HMCN2: variants seen among roughly 807,000 people sequenced by gnomAD.
HMCN2 encodes the protein hemicentin 2.
Under a neutral mutation model 377.5 loss-of-function variants are expected in HMCN2, and 325 were observed. The observed-to-expected ratio is 0.86, with a 90% CI of 0.79 to 0.94. HMCN2 has a LOEUF of 0.94. HMCN2 is among the 40% of genes least tolerant of loss of function. HMCN2 has a pLI of 0.00. For synonymous variants in HMCN2, 2,007 were observed against 2,046.8 expected (o/e 0.98, Z 0.53); for missense variants, 4,543 against 4,725.3 (o/e 0.96, Z 1.13).
At chr9:130,368,228 G>A (rs7029167) in intron 43 of HMCN2, 48 bp from the exon 44 acceptor site, 59 of 979,408 alleles carry the variant, frequency 6.0e-5, no homozygotes, top group African/African-American at 4.2e-4. Context: ...AAGACATCAC[G>A]TCCTTGCAAA....
chr9:130,367,752 C>T (rs1376796719), intron 43 of HMCN2, among the ~76,000 whole-genome samples: 1 of 151,910 alleles, frequency 6.6e-6, no homozygotes, highest in East Asian at 1.9e-4. Flanking sequence ...ACCAGCCTAA[C>T]TAACATGGTG....
chr9:130,411,968 A>G (rs1388037988), intron 85 of HMCN2, among the ~76,000 whole-genome samples: 4 of 152,104 alleles, frequency 2.6e-5, no homozygotes, highest in African/African-American at 9.7e-5. Context: ...TTTTACAACT[A>G]TTATTGTTAC....
Position 130,351,163 on chromosome 9 carries a change from G to A in HMCN2, c.4431-260G>A, listed in dbSNP as rs973272030. On this transcript the variant is annotated intron_variant, in intron 29 of 97. Coordinates refer to ENST00000683500, the MANE Select transcript of HMCN2 (RefSeq NM_001291815.2). This position sits in a 1 kb window ranked among gnomAD's most constrained non-coding sequence, Gnocchi z 5.4. Reference sequence around the variant, plus strand: ...CTTTTGTGTCTGGCTTCTTCCACTCGGCATATTTTCCAGGTTCATCCATAC... The same window carrying A: ...CTTTTGTGTCTGGCTTCTTCCACTCAGCATATTTTCCAGGTTCATCCATAC... 4.6e-5 allele frequency among the ~76,000 whole-genome samples: 7 copies of A among 152,170 alleles called. No homozygotes were observed. The highest frequency in any genetic ancestry group is 2.0e-4 in the Admixed American group (3 of 15,292).
intron 54 of HMCN2, among the ~76,000 whole-genome samples, chr9:130,381,724 C>T (rs1470030350): frequency 6.6e-6 from 1 of 151,980 alleles, no homozygotes; most frequent in Non-Finnish European, 1.5e-5. Context: ...GCCTCCCCAG[C>T]CCCTACCCCT....
At chr9:130,301,662 C>A (rs1165487846) in intron 8 of HMCN2, among the ~76,000 whole-genome samples, 3 of 152,230 alleles carry the variant, frequency 2.0e-5, no homozygotes, top group African/African-American at 7.2e-5. Flanking sequence ...ACAGATGTGG[C>A]AGGGAGCCTG....
chr9:130,325,098 T>TC (rs1192371343), intron 19 of HMCN2, among the ~76,000 whole-genome samples: 7 of 115,158 alleles, frequency 6.1e-5, no homozygotes, highest in Admixed American at 9.3e-5. Flanking sequence ...TTCTTCTTCT[T>TC]TTTTTTTTTT....
Position 130,353,054 on chromosome 9 carries a change from C to A in HMCN2, c.4713C>A (p.Ala1571=). The change falls in exon 31 of 98, where the codon GCC becomes GCA. Residue 1571 remains alanine (A), a synonymous_variant. Coordinates refer to ENST00000683500, the MANE Select transcript of HMCN2 (RefSeq NM_001291815.2). The stretch of plus-strand genomic sequence containing the variant: ...ACATCACCTGGTTCAAGGACGGGGC[C>A]CTGCTCCCCACCAGCACCAAGGTGG... ...TPNITWFKDG[A]LLPTSTKVVY... is the part of the protein sequence containing the mutation. 7.7e-7 allele frequency: 1 copy of A among 1,304,208 alleles called. No homozygotes were observed. Among genetic ancestry groups the A allele is most frequent in the Non-Finnish European group, 1.0e-6 (1 of 988,934 alleles). 80.8% of individuals were successfully genotyped at this position (1,304,208 alleles called of 1,614,324 possible).
rs11410225 is a variant in HMCN2, at chr9:130,281,102, G to GAA, written c.260-3489_260-3488dup. On this transcript the variant is annotated intron_variant, in intron 1 of 97. Coordinates refer to ENST00000683500, the MANE Select transcript of HMCN2 (RefSeq NM_001291815.2). Reference sequence around the variant, plus strand: ...TGGGTGACAGAGCGAGACTCTGTCTGAAAAAAAAAAAAATACAGGCAGTTG... The same window carrying GAA: ...TGGGTGACAGAGCGAGACTCTGTCTGAAAAAAAAAAAAAAATACAGGCAGTTG... Among the ~76,000 whole-genome samples the GAA allele has an allele frequency of 4.9e-3, 718 of 145,490 alleles. 6 individuals carry two copies. The highest frequency in any genetic ancestry group is 0.015 in the African/African-American group (602 of 39,554).
chr9:130,361,957 C>T lies in HMCN2; in HGVS notation c.5951-51C>T. The stretch of plus-strand genomic sequence containing the variant: ...GGTGCCCAGCCAGGGGCCCTGCCTG[C>T]TTTGCCCCAGTGGGGCTCAGCCTGT... On this transcript the variant is annotated intron_variant, in intron 38 of 97. Transcript: ENST00000683500. The surrounding 1 kb of genome is among the most constrained non-coding windows in gnomAD (Gnocchi z 4.8). 1.0e-6 allele frequency: 1 copy of T among 983,790 alleles called. No individual in the cohort carries two copies. Among genetic ancestry groups the T allele is most frequent in the Non-Finnish European group, 1.2e-6 (1 of 828,026 alleles). The allele number at this position is 983,790 out of a possible 1,614,324, so 60.9% of individuals were successfully genotyped here. A position where few individuals can be genotyped will look rare whatever the true frequency, so the allele number is the denominator to read the frequency against.
At chr9:130,358,995 T>C (rs1840208286) in intron 36 of HMCN2, among the ~76,000 whole-genome samples, 1 of 152,136 alleles carries the variant, frequency 6.6e-6, no homozygotes, top group Admixed American at 6.5e-5. Flanking sequence ...CTTGCCCACA[T>C]TCATATTTAC....
chr9:130,354,577 G>A (rs1276671178), intron 31 of HMCN2, among the ~76,000 whole-genome samples, 186 bp from the exon 32 acceptor site: 1 of 152,198 alleles, frequency 6.6e-6, no homozygotes, highest in Non-Finnish European at 1.5e-5. Context: ...GGCGCGCCCA[G>A]GGGCTGAGGA....
In HMCN2 at chr9:130,431,350, C is replaced by A. The variant is rs1243366964; in HGVS notation, c.14648-17C>A. ...TGCCCCCATCCCCCACCTGCCCCAC[C>A]CCCATGCCCGGGCCAGACCTTGACG... On this transcript the variant is annotated splice_polypyrimidine_tract_variant and intron_variant, in intron 95 of 97. Transcript: ENST00000683500. 1 of 1,548,074 alleles carries A rather than the reference C, an allele frequency of 6.5e-7. No individual in the cohort carries two copies. Among genetic ancestry groups the A allele is most frequent in the Non-Finnish European group, 8.7e-7 (1 of 1,145,956 alleles).
At position 130,342,362 on chromosome 9, in the gene HMCN2, G is replaced by T. The variant is rs1839104236; in HGVS notation, c.3755G>T (p.Trp1252Leu). The change falls in exon 25 of 98, where the codon TGG becomes TTG. Residue 1252 changes from tryptophan (W) to leucine (L), a missense_variant. Coordinates refer to ENST00000683500, the MANE Select transcript of HMCN2 (RefSeq NM_001291815.2). ...TGCCTCCCTACAGAGCCACCACACT[G>T]GGGGGCTGATGAGACCAGCGGCCTG... Reference protein sequence around the residue: ...VELRVLEPPHWGADETSGLLE... With the variant: ...VELRVLEPPHLGADETSGLLE... 1.3e-5 allele frequency: 2 copies of T among 152,408 alleles called. No individual in the cohort carries two copies. The highest frequency in any genetic ancestry group is 4.1e-4 in the South Asian group (2 of 4,830). 9.4% of individuals were successfully genotyped at this position (152,408 alleles called of 1,614,324 possible).
At chr9:130,392,633 T>C (rs911726840) in intron 66 of HMCN2, among the ~76,000 whole-genome samples, 1 of 151,838 alleles carries the variant, frequency 6.6e-6, no homozygotes, top group Non-Finnish European at 1.5e-5. Flanking sequence ...CAGAATGAGA[T>C]TGGTTGGAGC....
At chr9:130,413,141 G>C (rs550644854) in intron 85 of HMCN2, among the ~76,000 whole-genome samples, 1 of 152,200 alleles carries the variant, frequency 6.6e-6, no homozygotes, top group African/African-American at 2.4e-5. Context: ...TTTGATTTTT[G>C]GATTTGTAAT....
chr9:130,398,498 C>T, intron 74 of HMCN2, 53 bp from the exon 75 acceptor site: 1 of 1,034,958 alleles, frequency 9.7e-7, no homozygotes, highest in South Asian at 1.9e-5. Flanking sequence ...CTCAGAGAGC[C>T]CCCAGCCCCT....
intron 85 of HMCN2, 23 bp downstream of exon 85, chr9:130,410,675 T>C (rs757449008): frequency 7.1e-6 from 11 of 1,547,244 alleles, no homozygotes; most frequent in Middle Eastern, 1.7e-4. Context: ...CTCAGCAGAG[T>C]GGGGACGTGG....
Position 130,433,485 on chromosome 9 carries a change from TC to T in HMCN2, c.15036del (p.Ala5013ProfsTer79). ...CTCACCGCCTTCTCCGAGGTCGGCG[TC>T]CCCGCCAACCGCACCGAGCTCAGCA... ...ARLTAFSEVG[V>X]PANRTELSML... On this transcript the variant is annotated frameshift_variant, in exon 98 of 98. Coordinates refer to ENST00000683500, the MANE Select transcript of HMCN2 (RefSeq NM_001291815.2). LOFTEE classifies it high-confidence loss of function. 3 of 1,498,144 alleles carry T rather than the reference TC, an allele frequency of 2.0e-6. No homozygotes were observed. Among genetic ancestry groups the T allele is most frequent in the East Asian group, 5.6e-5 (2 of 35,662 alleles). 92.8% of individuals were successfully genotyped at this position (1,498,144 alleles called of 1,614,324 possible). A position where few individuals can be genotyped will look rare whatever the true frequency, so the allele number is the denominator to read the frequency against.
At chr9:130,402,717 G>A (rs1370325108) in intron 77 of HMCN2, 72 bp from the exon 78 acceptor site, 2 of 938,722 alleles carry the variant, frequency 2.1e-6, no homozygotes, top group Admixed American at 4.9e-5. Context: ...GAGTGGGGTT[G>A]TGTAGGAGCC....
Sources: gnomAD v4.1 joint callset for allele counts (sites outside exome capture counted in the v4.1 genomes callset) on GRCh38, gnomAD v4.1.1 for gene constraint, Gnocchi (gnomAD v3.1) non-coding constraint, MANE v1.5 for transcripts, NCBI Gene and HGNC (gene_info 2026-07-23, HGNC 2026-07-21) for gene names.